The following TRAF3 variants were observed in gnomAD, a reference collection of about 807,000 sequenced individuals.
TRAF3 encodes TNF receptor-associated factor 3.
Under a neutral mutation model 62.3 loss-of-function variants are expected in TRAF3, and 13 were observed. The observed-to-expected ratio is 0.21, with a 90% CI of 0.14 to 0.33. TRAF3 has a LOEUF of 0.33. Ranked by LOEUF, TRAF3 falls within the 10% of genes least tolerant of loss-of-function variation. TRAF3 has a pLI of 1.00. For missense variants in TRAF3, 440 were observed against 741.8 expected (o/e 0.59, Z 4.73); for synonymous variants, 269 against 283.4 (o/e 0.95, Z 0.51).
intron 6 of TRAF3, among the ~76,000 whole-genome samples, chr14:102,885,480 G>T (rs1464995686): frequency 6.6e-6 from 1 of 152,126 alleles, no homozygotes; most frequent in Non-Finnish European, 1.5e-5. Context: ...ATGTCCTTGT[G>T]GGGAGTCCTT....
intron 1 of TRAF3, among the ~76,000 whole-genome samples, chr14:102,788,666 C>T (rs907560875): frequency 6.6e-6 from 1 of 152,128 alleles, no homozygotes; most frequent in African/African-American, 2.4e-5. Flanking sequence ...GGCGTGGTGG[C>T]GCATGCCTCT....
chr14:102,838,148 C>T (rs886364743), intron 2 of TRAF3, among the ~76,000 whole-genome samples: 1 of 152,152 alleles, frequency 6.6e-6, no homozygotes, highest in Non-Finnish European at 1.5e-5. Context: ...ACTCTAGTTT[C>T]CTCATCTCTA....
At chr14:102,846,563 G>A (rs764087497) in intron 2 of TRAF3, among the ~76,000 whole-genome samples, 6 of 150,358 alleles carry the variant, frequency 4.0e-5, no homozygotes, top group Non-Finnish European at 7.4e-5. Context: ...AGCACTTTGG[G>A]AGGCTGAGAT....
At chr14:102,810,389 T>C (rs962937781) in intron 1 of TRAF3, among the ~76,000 whole-genome samples, 1 of 152,196 alleles carries the variant, frequency 6.6e-6, no homozygotes, top group African/African-American at 2.4e-5. Flanking sequence ...AAGTTGAAGC[T>C]TAGTTCTGGA....
chr14:102,840,538 C>G (rs1253110552), intron 2 of TRAF3, among the ~76,000 whole-genome samples: 4 of 152,180 alleles, frequency 2.6e-5, no homozygotes, highest in Non-Finnish European at 5.9e-5. Context: ...GCCCAAAACC[C>G]AAATTTGAAA....
chr14:102,864,376 C>T (rs543472609), intron 2 of TRAF3, among the ~76,000 whole-genome samples: 1 of 152,028 alleles, frequency 6.6e-6, no homozygotes, highest in Non-Finnish European at 1.5e-5. Flanking sequence ...TCTCGATCTC[C>T]TGACCTCGTG....
intron 9 of TRAF3, among the ~76,000 whole-genome samples, chr14:102,895,934 C>T (rs924703908): frequency 6.6e-6 from 1 of 152,092 alleles, no homozygotes; most frequent in Non-Finnish European, 1.5e-5. Flanking sequence ...CAGGCTGGCC[C>T]CAAGGGTGTA....
chr14:102,786,216 G>A (rs1897494960), intron 1 of TRAF3, among the ~76,000 whole-genome samples: 1 of 152,172 alleles, frequency 6.6e-6, no homozygotes, highest in Non-Finnish European at 1.5e-5. Flanking sequence ...TAACTGTAGA[G>A]TTCACAGTCA....
At chr14:102,810,320 G>C (rs144656915) in intron 1 of TRAF3, among the ~76,000 whole-genome samples, 1 of 152,284 alleles carries the variant, frequency 6.6e-6, no homozygotes, top group East Asian at 1.9e-4. Context: ...AGTCGGCTCT[G>C]GTGGGAACAT....
chr14:102,805,355 A>T (rs1016672751), intron 1 of TRAF3, among the ~76,000 whole-genome samples: 13 of 152,178 alleles, frequency 8.5e-5, no homozygotes, highest in African/African-American at 1.4e-4. Flanking sequence ...GTCCCAAGTG[A>T]TTTAAAGTGT....
At chr14:102,853,217 G>A (rs190664224) in intron 2 of TRAF3, among the ~76,000 whole-genome samples, 8 of 151,758 alleles carry the variant, frequency 5.3e-5, no homozygotes, top group African/African-American at 1.7e-4. Flanking sequence ...TTTTTTTAGA[G>A]GCTGACTGAG....
At chr14:102,873,888 C>T (rs1259849971) in intron 4 of TRAF3, among the ~76,000 whole-genome samples, 1 of 152,078 alleles carries the variant, frequency 6.6e-6, no homozygotes, top group East Asian at 1.9e-4. Context: ...TCCTGTTATT[C>T]CACTTTCATA....
chr14:102,905,136 T>TGC lies in TRAF3; in HGVS notation c.1136-76_1136-75dup. The TGC allele has an allele frequency of 2.2e-6, 3 of 1,394,164 alleles. No homozygotes were observed. The South Asian group carries it at 3.5e-5, about 16-fold the overall frequency. 86.4% of individuals were successfully genotyped at this position (1,394,164 alleles called of 1,614,324 possible). A position where few individuals can be genotyped will look rare whatever the true frequency, so the allele number is the denominator to read the frequency against. ...CAAAAAAATGAAATAAAATAACGAG[T>TGC]GCTGGTGCAGCTTTGCTTTCCTAAC... is the stretch of plus-strand genomic sequence containing the variant. On this transcript the variant is annotated intron_variant, in intron 11 of 11. Coordinates refer to ENST00000392745, the MANE Select transcript of TRAF3 (RefSeq NM_145725.3).
intron 8 of TRAF3, 25 bp from the exon 9 acceptor site, chr14:102,891,300 A>T: frequency 6.2e-7 from 1 of 1,609,038 alleles, no homozygotes; most frequent in Non-Finnish European, 8.5e-7. Context: ...GGTTCGCTGA[A>T]TGCCTCACAT....
At chr14:102,900,534 G>C (rs1378368928) in intron 10 of TRAF3, among the ~76,000 whole-genome samples, 2 of 152,238 alleles carry the variant, frequency 1.3e-5, no homozygotes, top group Non-Finnish European at 2.9e-5. Flanking sequence ...GTGCGAGCAT[G>C]ACCCAGGCTT....
intron 9 of TRAF3, among the ~76,000 whole-genome samples, chr14:102,894,400 A>G (rs947845910): frequency 3.3e-5 from 5 of 152,208 alleles, no homozygotes; most frequent in African/African-American, 1.2e-4. Flanking sequence ...AAAAACACCC[A>G]TTTTATATTT....
At chr14:102,811,757 GTGTGT>G (rs1899176441) in intron 1 of TRAF3, among the ~76,000 whole-genome samples, 1 of 144,264 alleles carries the variant, frequency 6.9e-6, no homozygotes, top group Non-Finnish European at 1.5e-5. Flanking sequence ...GTGTGTGTGT[GTGTGT>G]TTGTACAGAC....
chr14:102,789,601 T>C (rs1263982344), intron 1 of TRAF3, among the ~76,000 whole-genome samples: 1 of 151,118 alleles, frequency 6.6e-6, no homozygotes, highest in East Asian at 2.0e-4. Flanking sequence ...TATATGTGTG[T>C]GTGTGTGTGT....
Position 102,905,454 on chromosome 14 carries a change from C to T in TRAF3, c.1377C>T (p.Tyr459=). 1 of 1,614,230 alleles carries T rather than the reference C, an allele frequency of 6.2e-7. No homozygotes were observed. The highest frequency in any genetic ancestry group is 8.5e-7 in the Non-Finnish European group (1 of 1,180,042). The part of the protein sequence containing the change: ...YFGYKMCARV[Y]LNGDGMGKGT... ...GCTATAAGATGTGTGCCAGGGTCTA[C>T]CTGAACGGGGACGGGATGGGGAAGG... The change falls in exon 12 of 12, where the codon TAC becomes TAT. Residue 459 remains tyrosine, a synonymous_variant. Coordinates refer to ENST00000392745, the MANE Select transcript of TRAF3 (RefSeq NM_145725.3).
Sources: gnomAD v4.1 joint callset for allele counts (sites outside exome capture counted in the v4.1 genomes callset) on GRCh38, gnomAD v4.1.1 for gene constraint, MANE v1.5 for transcripts, NCBI Gene and HGNC (gene_info 2026-07-23, HGNC 2026-07-21) for gene names.